Variants in LRRIQ3 observed in about 807,000 individuals in gnomAD.
LRRIQ3 encodes the protein leucine rich repeats and IQ motif containing 3.
LRRIQ3 carries 75 observed loss-of-function variants against 59.3 expected under a neutral mutation model. The observed-to-expected ratio is 1.26, with a 90% CI of 1.05 to 1.53. The LOEUF (loss-of-function observed/expected upper bound fraction) is 1.53, where lower values mean the gene tolerates loss of function less well. Among genes scored for constraint, LRRIQ3 ranks in the 40% most tolerant of loss-of-function variants. LRRIQ3 has a pLI of 0.00. For missense variants in LRRIQ3, 831 were observed against 710.0 expected (o/e 1.17, Z -1.94); for synonymous variants, 250 against 231.3 (o/e 1.08, Z -0.73).
chr1:74,170,157 G>A (rs1178211675), intron 3 of LRRIQ3, among the ~76,000 whole-genome samples: 1 of 152,010 alleles, frequency 6.6e-6, no homozygotes, highest in African/African-American at 2.4e-5. Context: ...TGTTTCCCTT[G>A]CTGTGTAGCA....
At chr1:74,143,183 CAG>C (rs1647342123) in intron 4 of LRRIQ3, among the ~76,000 whole-genome samples, 1 of 151,996 alleles carries the variant, frequency 6.6e-6, no homozygotes, top group East Asian at 1.9e-4. Flanking sequence ...ACAACTTCAG[CAG>C]AGTCATTATT....
chr1:74,032,785 T>A (rs1653756905), intron 7 of LRRIQ3, among the ~76,000 whole-genome samples: 1 of 152,046 alleles, frequency 6.6e-6, no homozygotes, highest in Non-Finnish European at 1.5e-5. Flanking sequence ...GGGCATGGTA[T>A]CTATCTTCTT....
intron 4 of LRRIQ3, among the ~76,000 whole-genome samples, chr1:74,142,637 A>G (rs1156838860): frequency 6.6e-6 from 1 of 152,038 alleles, no homozygotes; most frequent in Admixed American, 6.6e-5. Context: ...TGTATTTTTA[A>G]AGGGTACTTA....
intron 5 of LRRIQ3, among the ~76,000 whole-genome samples, chr1:74,093,228 G>C (rs1476266906): frequency 6.6e-6 from 1 of 151,978 alleles, no homozygotes; most frequent in Non-Finnish European, 1.5e-5. Flanking sequence ...CAACACTCAG[G>C]AGGAACAAAT....
At chr1:74,080,299 A>G (rs1386365442) in intron 5 of LRRIQ3, among the ~76,000 whole-genome samples, 3 of 151,718 alleles carry the variant, frequency 2.0e-5, no homozygotes, top group Non-Finnish European at 3.0e-5. Flanking sequence ...ATCTAATCAT[A>G]ATAAGAATTT....
chr1:74,086,563 A>G (rs1390408722), intron 5 of LRRIQ3, among the ~76,000 whole-genome samples: 3 of 152,020 alleles, frequency 2.0e-5, no homozygotes, highest in African/African-American at 7.2e-5. Context: ...AGTTTAACCT[A>G]TTGTGTTTTA....
chr1:74,141,645 T>C (rs1436879249), intron 4 of LRRIQ3, among the ~76,000 whole-genome samples: 1 of 151,944 alleles, frequency 6.6e-6, no homozygotes, highest in Non-Finnish European at 1.5e-5. Context: ...TATTTCTAAA[T>C]ATGTATTAGA....
intron 7 of LRRIQ3, among the ~76,000 whole-genome samples, chr1:74,031,416 G>A (rs1653707606): frequency 6.6e-6 from 1 of 152,084 alleles, no homozygotes; most frequent in Non-Finnish European, 1.5e-5. Context: ...TATACACCAT[G>A]GAATACTATG....
At chr1:74,097,929 C>T (rs1570107686) in intron 5 of LRRIQ3, among the ~76,000 whole-genome samples, 1 of 152,124 alleles carries the variant, frequency 6.6e-6, no homozygotes, top group African/African-American at 2.4e-5. Flanking sequence ...AAGGAACAAC[C>T]AGTACCAGCC....
intron 6 of LRRIQ3, among the ~76,000 whole-genome samples, chr1:74,074,399 C>G (rs1646177947): frequency 6.6e-6 from 1 of 152,030 alleles, no homozygotes; most frequent in Non-Finnish European, 1.5e-5. Context: ...ATCCTAGATG[C>G]CTGTCTGTAA....
At chr1:74,084,049 T>C (rs1032048685) in intron 5 of LRRIQ3, 1 of 807,538 alleles carries the variant, frequency 1.2e-6, no homozygotes, top group Non-Finnish European at 1.8e-6. Context: ...CTTTTCAACT[T>C]TACACTTATC....
intron 4 of LRRIQ3, among the ~76,000 whole-genome samples, chr1:74,137,861 C>T (rs1319317616): frequency 6.7e-6 from 1 of 150,254 alleles, no homozygotes; most frequent in Non-Finnish European, 1.5e-5. Flanking sequence ...CAAAACACTG[C>T]ATGTTCTCAC....
intron 4 of LRRIQ3, among the ~76,000 whole-genome samples, chr1:74,111,229 T>G (rs554987394): frequency 1.3e-5 from 2 of 152,088 alleles, no homozygotes; most frequent in African/African-American, 4.8e-5. Context: ...TCTACCATGA[T>G]GAAGCTTATA....
chr1:74,183,219 G>C (rs1036875593), intron 2 of LRRIQ3: 1 of 362,024 alleles, frequency 2.8e-6, no homozygotes, highest in African/African-American at 2.1e-5. Flanking sequence ...TTTAAGAAGT[G>C]AAACATACCA....
Position 74,182,626 on chromosome 1 carries a change from T to TC in LRRIQ3, c.484dup (p.Glu162GlyfsTer11). ...AAGATGCCAGTTCTGAATTATTTCTTCATCAGAAATCACATGATGATCCAG... is the reference window on the plus strand; with the variant it reads ...AAGATGCCAGTTCTGAATTATTTCTTCCATCAGAAATCACATGATGATCCAG... On this transcript the variant is annotated frameshift_variant, in exon 3 of 8. Coordinates refer to ENST00000354431, the MANE Select transcript of LRRIQ3 (RefSeq NM_001105659.2). LOFTEE classifies it high-confidence loss of function. 1 of 1,609,908 alleles carries TC rather than the reference T, an allele frequency of 6.2e-7. No homozygotes were observed. Among genetic ancestry groups the TC allele is most frequent in the Middle Eastern group, 1.7e-4 (1 of 6,050 alleles).
chr1:74,074,333 A>C (rs1163576000), intron 6 of LRRIQ3, among the ~76,000 whole-genome samples: 2 of 152,172 alleles, frequency 1.3e-5, no homozygotes, highest in African/African-American at 4.8e-5. Flanking sequence ...GTATAGGTGG[A>C]TGAATTCTTC....
chr1:74,168,519 G>A (rs1649132721), intron 3 of LRRIQ3, among the ~76,000 whole-genome samples: 1 of 151,974 alleles, frequency 6.6e-6, no homozygotes, highest in African/African-American at 2.4e-5. Flanking sequence ...GCTGAATAAA[G>A]TTTTGAAGCC....
Position 74,088,466 on chromosome 1 carries a change from T to C in LRRIQ3, c.868-13676A>G, listed in dbSNP as rs572868685. ...TAAATTATTCAATGCCAAAATTATATATACAGACATACGTATCAATAAAAT... is the reference window on the plus strand; with the variant it reads ...TAAATTATTCAATGCCAAAATTATACATACAGACATACGTATCAATAAAAT... On this transcript the variant is annotated intron_variant, in intron 5 of 7. Coordinates refer to ENST00000354431, the MANE Select transcript of LRRIQ3 (RefSeq NM_001105659.2). Among the ~76,000 whole-genome samples, 26 of 152,156 alleles carry C rather than the reference T, an allele frequency of 1.7e-4. No homozygotes were observed. The South Asian group carries it at 5.0e-3, about 29-fold the overall frequency.
At chr1:74,047,835 T>C (rs1654250311) in intron 6 of LRRIQ3, among the ~76,000 whole-genome samples, 2 of 152,128 alleles carry the variant, frequency 1.3e-5, no homozygotes, top group South Asian at 4.1e-4. Flanking sequence ...ACCCCCAGTG[T>C]GGCTTTATTT....
Sources: gnomAD v4.1 joint callset for allele counts (sites outside exome capture counted in the v4.1 genomes callset) on GRCh38, gnomAD v4.1.1 for gene constraint, MANE v1.5 for transcripts, NCBI Gene and HGNC (gene_info 2026-07-23, HGNC 2026-07-21) for gene names.